The following NLRC5 variants were observed in gnomAD, a reference collection of about 807,000 sequenced individuals.
The protein encoded by NLRC5 is NLR family CARD domain containing 5, also known as protein NLRC5.
A neutral mutation model predicts 206.9 loss-of-function variants in NLRC5; 114 were observed. The observed-to-expected ratio is 0.55, with a 90% CI of 0.47 to 0.64. The LOEUF is 0.64. NLRC5 is among the 30% of genes least tolerant of loss of function. The pLI, the probability that NLRC5 is intolerant of heterozygous loss-of-function variation, is 0.00. For synonymous variants in NLRC5, 952 were observed against 962.8 expected, an observed-to-expected ratio of 0.99 and a Z score of 0.21; for missense variants, 2,008 against 2,305.5, an observed-to-expected ratio of 0.87 and a Z score of 2.64.
In NLRC5 at chr16:57,027,629, C is replaced by T. The variant is rs76496135; in HGVS notation, c.2076-443C>T. ...CAGCTCCACGCAGTCATGCAGGTAC[C>T]CAGGTCCCTCCCATTTTGCTCCATT... On this transcript the variant is annotated intron_variant, in intron 6 of 48. Transcript: ENST00000688547. Among the ~76,000 whole-genome samples, 698 of 115,534 alleles carry T rather than the reference C, an allele frequency of 6.0e-3. 7 individuals carry two copies. The highest frequency in any genetic ancestry group is 0.02 in the African/African-American group (657 of 33,058). The allele number at this position is 115,534 out of a possible 152,430, so 75.8% of individuals were successfully genotyped here.
rs143655586 is a variant in NLRC5 at position 57,059,425 on chromosome 16, C to T, written c.3921-42C>T. 1.7e-3 allele frequency: 2,623 copies of T among 1,574,850 alleles called. 1 individual carries two copies. The highest frequency in any genetic ancestry group is 2.1e-3 in the Non-Finnish European group (2,462 of 1,159,630). ...GTGCCCTAGGTGCCTAGGAAGCTGG[C>T]ATGTCTGGGCACCGTGCTTCCCCAG... On this transcript the variant is annotated intron_variant, in intron 29 of 48. Transcript: ENST00000688547.
At chr16:57,029,006 C>CACTTAGACA (rs1203939942) in intron 8 of NLRC5, among the ~76,000 whole-genome samples, 1 of 152,130 alleles carries the variant, frequency 6.6e-6, no homozygotes, top group Admixed American at 6.5e-5. Context: ...TATATGGCAC[C>CACTTAGACA]TTTATGACAT....
intron 14 of NLRC5, 50 bp downstream of exon 14, chr16:57,036,233 C>T (rs780458117): frequency 6.4e-7 from 1 of 1,552,842 alleles, no homozygotes; most frequent in South Asian, 1.1e-5. Flanking sequence ...CTGTAGAGCC[C>T]CAGGAGGTCC....
At chr16:57,009,784 A>G (rs1441888541) in intron 1 of NLRC5, among the ~76,000 whole-genome samples, 1 of 152,182 alleles carries the variant, frequency 6.6e-6, no homozygotes, top group Non-Finnish European at 1.5e-5. Context: ...AACTGTTCAA[A>G]CATCTTGGTA....
intron 23 of NLRC5, among the ~76,000 whole-genome samples, chr16:57,049,335 A>T (rs2064493064): frequency 6.6e-6 from 1 of 152,204 alleles, no homozygotes; most frequent in South Asian, 2.1e-4. Context: ...TTGACTGTTA[A>T]GTACCTATTG....
chr16:57,023,597 T>C (rs1213139463), intron 4 of NLRC5, among the ~76,000 whole-genome samples, 188 bp from the exon 5 acceptor site: 1 of 152,146 alleles, frequency 6.6e-6, no homozygotes, highest in Non-Finnish European at 1.5e-5. Flanking sequence ...TGCCTAGAAG[T>C]CCACTCTGCA....
intron 1 of NLRC5, among the ~76,000 whole-genome samples, chr16:57,005,782 T>A (rs934604049): frequency 1.3e-5 from 2 of 151,772 alleles, no homozygotes; most frequent in Non-Finnish European, 2.9e-5. Flanking sequence ...TAGCTAGGTG[T>A]GGTGGTGTGC....
In NLRC5 at chr16:57,021,003, T is replaced by A; in HGVS notation, c.291T>A (p.Asp97Glu). The change falls in exon 3 of 49, where the codon GAT (aspartate) becomes GAA (glutamate). Residue 97 changes from aspartate to glutamate, a missense_variant. Transcript: ENST00000688547. The stretch of plus-strand genomic sequence containing the variant: ...TGCTGCTGAGTACTTTTGGCTATGA[T>A]GATGGTAAGGGCAGGTGTGAGAGAC... The part of the protein sequence containing the change: ...EVLLLSTFGY[D>E]DGFTSQLGAE... The A allele has an allele frequency of 1.9e-6, 3 of 1,613,146 alleles. No homozygotes were observed. Among genetic ancestry groups the A allele is most frequent in the Non-Finnish European group, 2.5e-6 (3 of 1,179,320 alleles).
In NLRC5 at chr16:57,033,718, A is replaced by G. The variant is rs199699238; in HGVS notation, c.2543+49A>G. 1.0e-5 allele frequency: 16 copies of G among 1,560,824 alleles called. No individual in the cohort carries two copies. The East Asian group carries it at 2.9e-4, about 28-fold the overall frequency. ...TTAGGAGAGGGATATGATATGGGGG[A>G]AAGTCCGAGGCAAGGGAGAGCAGGG... On this transcript the variant is annotated intron_variant, in intron 12 of 48. Transcript: ENST00000688547.
chr16:57,066,581 G>C lies in NLRC5; in HGVS notation c.4289G>C (p.Arg1430Pro). The change falls in exon 34 of 49, where the codon CGC becomes CCC. Residue 1430 changes from arginine (R) to proline (P), a missense_variant. By Grantham distance (103) the Arg-to-Pro change is moderately radical. Transcript: ENST00000688547. Reference protein sequence around the residue: ...QQLCVQLEFPRQEENPEAVAL... With the variant: ...QQLCVQLEFPPQEENPEAVAL... Reference sequence around the variant, plus strand: ...CTCTGTGTCCAGCTGGAATTTCCTCGCCAGGAAGAGAATCCAGAAGCTGTG... The same window carrying C: ...CTCTGTGTCCAGCTGGAATTTCCTCCCCAGGAAGAGAATCCAGAAGCTGTG... 1 of 1,613,968 alleles carries C rather than the reference G, an allele frequency of 6.2e-7. No homozygotes were observed. The highest frequency in any genetic ancestry group is 8.5e-7 in the Non-Finnish European group (1 of 1,179,980).
intron 46 of NLRC5, among the ~76,000 whole-genome samples, chr16:57,080,545 T>C (rs949472136): frequency 2.2e-5 from 3 of 137,942 alleles, no homozygotes; most frequent in Non-Finnish European, 4.6e-5. Context: ...AGTGCAGTGG[T>C]GCAATCTCGG....
At chr16:57,047,912 C>T in intron 23 of NLRC5, 1 of 477,934 alleles carries the variant, frequency 2.1e-6, no homozygotes, top group East Asian at 3.4e-5. Flanking sequence ...TGTCCACCTC[C>T]AACCCCACCC....
At chr16:57,035,283 C>T (rs762993026) in intron 13 of NLRC5, among the ~76,000 whole-genome samples, 1 of 152,166 alleles carries the variant, frequency 6.6e-6, no homozygotes, top group South Asian at 2.1e-4. Flanking sequence ...ATGACCCCCT[C>T]GCCTTGCCTT....
At chr16:57,023,740 A>C (rs2060937120) in intron 4 of NLRC5, 45 bp from the exon 5 acceptor site, 4 of 1,548,322 alleles carry the variant, frequency 2.6e-6, no homozygotes, top group Non-Finnish European at 3.5e-6. Context: ...CCCTCAGCCC[A>C]GATCCCCAGA....
At chr16:56,990,228 A>G (rs149646292) in intron 1 of NLRC5, among the ~76,000 whole-genome samples, 377 of 152,272 alleles carry the variant, frequency 2.5e-3, no homozygotes, top group African/African-American at 8.5e-3. Flanking sequence ...AGGTAGCCCA[A>G]TCTCCACCGC....
chr16:57,010,903 T>C (rs1567521816), intron 1 of NLRC5, among the ~76,000 whole-genome samples: 2 of 151,892 alleles, frequency 1.3e-5, no homozygotes, highest in African/African-American at 4.8e-5. Flanking sequence ...TGGCTTTTTT[T>C]AAAAAAAAAT....
chr16:57,058,164 C>A lies in NLRC5; in HGVS notation c.3830+16C>A. 6.3e-7 allele frequency: 1 copy of A among 1,596,054 alleles called. No homozygotes were observed. Among genetic ancestry groups the A allele is most frequent in the East Asian group, 2.2e-5 (1 of 44,460 alleles). On this transcript the variant is annotated intron_variant, in intron 28 of 48. Coordinates refer to ENST00000688547, the MANE Select transcript of NLRC5 (RefSeq NM_001384950.1). Reference sequence around the variant, plus strand: ...GTTTGCTTGAGTAAGTGGAAAGCAGCATAAAGGACAGATAGCAAGGAGGAA... The same window carrying A: ...GTTTGCTTGAGTAAGTGGAAAGCAGAATAAAGGACAGATAGCAAGGAGGAA...
At chr16:57,077,579 C>T in intron 41 of NLRC5, 140 bp from the exon 42 acceptor site, 4 of 979,006 alleles carry the variant, frequency 4.1e-6, no homozygotes, top group Non-Finnish European at 6.0e-6. Context: ...GGCCTTTCTG[C>T]CTCATTGTCT....
chr16:57,073,487 T>C (rs1248996895), intron 38 of NLRC5, among the ~76,000 whole-genome samples: 1 of 152,198 alleles, frequency 6.6e-6, no homozygotes, highest in Non-Finnish European at 1.5e-5. Context: ...ACTTCCAGTT[T>C]GCTTGGAGCT....
Sources: allele counts gnomAD v4.1 joint callset (sites outside exome capture counted in the v4.1 genomes callset), GRCh38; gene constraint gnomAD v4.1.1; transcripts MANE v1.5; gene names NCBI Gene and HGNC (gene_info 2026-07-23, HGNC 2026-07-21).